MSRB2: variants seen among roughly 807,000 people sequenced by gnomAD.
MSRB2 encodes methionine-R-sulfoxide reductase B2, mitochondrial.
MSRB2 carries 17 observed loss-of-function variants against 19.0 expected under a neutral mutation model. The ratio of observed to expected loss-of-function variants is 0.89; its 90% CI spans 0.61 to 1.34. MSRB2 has a LOEUF of 1.34. Among genes scored for constraint, MSRB2 ranks in the 40% most tolerant of loss-of-function variants. The pLI is 0.00. For synonymous variants in MSRB2, 107 were observed against 99.7 expected (o/e 1.07, Z -0.44); for missense variants, 208 against 237.6 (o/e 0.88, Z 0.82).
At chr10:23,119,788 T>A (rs1346100500) in intron 4 of MSRB2, among the ~76,000 whole-genome samples, 1 of 151,880 alleles carries the variant, frequency 6.6e-6, no homozygotes, top group Non-Finnish European at 1.5e-5. Context: ...AGAGATGAGG[T>A]TTCGCCATGT....
intron 1 of MSRB2, among the ~76,000 whole-genome samples, chr10:23,099,419 A>G (rs1362612097): frequency 6.6e-6 from 1 of 152,244 alleles, no homozygotes; most frequent in Non-Finnish European, 1.5e-5. Flanking sequence ...GTTTTCGCAC[A>G]CATTAAAAAT....
Position 23,119,338 on chromosome 10 carries a change from C to A in MSRB2, c.331C>A (p.Pro111Thr). 1 of 1,614,124 alleles carries A rather than the reference C, an allele frequency of 6.2e-7. No homozygotes were observed. The highest frequency in any genetic ancestry group is 8.5e-7 in the Non-Finnish European group (1 of 1,180,022). The change falls in exon 4 of 5, where the codon CCT becomes ACT. Residue 111 changes from proline to threonine, a missense_variant. Physicochemically the swap from Pro to Thr is conservative, Grantham distance 38 (BLOSUM62 -1). Transcript: ENST00000376510. ...AAAGTACTGCTCTGGCACTGGGTGG[C>A]CTTCGTTTTCCGAGGCTCATGGTAC... Reference protein sequence around the residue: ...EKKYCSGTGWPSFSEAHGTSG... With the variant: ...EKKYCSGTGWTSFSEAHGTSG...
chr10:23,114,606 C>T (rs1290030020), intron 3 of MSRB2, among the ~76,000 whole-genome samples: 1 of 152,204 alleles, frequency 6.6e-6, no homozygotes, highest in East Asian at 1.9e-4. Context: ...CTGCACTCTT[C>T]TTGAGAGTGG....
chr10:23,116,162 A>G (rs927992299), intron 3 of MSRB2, among the ~76,000 whole-genome samples: 1 of 152,266 alleles, frequency 6.6e-6, no homozygotes, highest in African/African-American at 2.4e-5. Context: ...TACTATGCTA[A>G]GCACACACAC....
intron 1 of MSRB2, among the ~76,000 whole-genome samples, chr10:23,096,881 G>A (rs1333006179): frequency 6.6e-6 from 1 of 152,150 alleles, no homozygotes; most frequent in Non-Finnish European, 1.5e-5. Flanking sequence ...CTTGAAAAAG[G>A]ATGGTGGTTT....
In MSRB2 at chr10:23,104,124, A is replaced by T. The variant is rs1839958326; in HGVS notation, c.119-20A>T. On this transcript the variant is annotated intron_variant, in intron 1 of 4. Coordinates refer to ENST00000376510, the MANE Select transcript of MSRB2 (RefSeq NM_012228.4). ...AGGCATTTTTGTTTTAATTTTTAAA[A>T]TTCCTGTTTAACAATACAGGGTCTC... 6.3e-7 allele frequency: 1 copy of T among 1,587,242 alleles called. No homozygotes were observed. Among genetic ancestry groups the T allele is most frequent in the African/African-American group, 1.4e-5 (1 of 73,260 alleles).
chr10:23,099,053 C>T (rs947617818), intron 1 of MSRB2, among the ~76,000 whole-genome samples: 2 of 152,170 alleles, frequency 1.3e-5, no homozygotes, highest in South Asian at 2.1e-4. Flanking sequence ...TGGACCAGGG[C>T]CCCCTCTTAA....
At chr10:23,103,686 G>A (rs1389826396) in intron 1 of MSRB2, among the ~76,000 whole-genome samples, 3 of 152,162 alleles carry the variant, frequency 2.0e-5, no homozygotes, top group Admixed American at 6.5e-5. Flanking sequence ...AAGAAAATCA[G>A]AGATATCCTT....
intron 2 of MSRB2, among the ~76,000 whole-genome samples, chr10:23,109,451 G>A (rs1241982022): frequency 6.6e-6 from 1 of 151,174 alleles, no homozygotes; most frequent in Non-Finnish European, 1.5e-5. Flanking sequence ...GCTGAGACAG[G>A]AGAATCACTT....
chr10:23,121,942 T>A lies in MSRB2; in HGVS notation c.*1080T>A, dbSNP rs1033106446. On this transcript the variant is annotated 3_prime_UTR_variant, in exon 5 of 5. Coordinates refer to ENST00000376510, the MANE Select transcript of MSRB2 (RefSeq NM_012228.4). ...TTAGATTTCAATGATTATGAATAAA[T>A]GTTCACCTTCATACCTTCTGGTTAC... 2 of 152,230 alleles carry A rather than the reference T, an allele frequency of 1.3e-5. No individual in the cohort carries two copies. The highest frequency in any genetic ancestry group is 4.8e-5 in the African/African-American group (2 of 41,450). The allele number at this position is 152,230 out of a possible 1,614,324, so 9.4% of individuals were successfully genotyped here.
intron 1 of MSRB2, among the ~76,000 whole-genome samples, chr10:23,100,028 C>T (rs528441007): frequency 6.6e-6 from 1 of 152,306 alleles, no homozygotes; most frequent in Admixed American, 6.5e-5. Context: ...AAGCCCATTC[C>T]ACTTCCTGCC....
chr10:23,112,911 C>G lies in MSRB2; in HGVS notation c.296+2593C>G, dbSNP rs138922797. 2.4e-3 allele frequency among the ~76,000 whole-genome samples: 366 copies of G among 152,272 alleles called. 1 individual carries two copies. The highest frequency in any genetic ancestry group is 8.0e-3 in the African/African-American group (334 of 41,546). ...AATGATGTGTTCTTAAGCAATAGAT[C>G]CCTCTTAGGGCTGTATACATGAATG... On this transcript the variant is annotated intron_variant, in intron 3 of 4. Coordinates refer to ENST00000376510, the MANE Select transcript of MSRB2 (RefSeq NM_012228.4).
intron 3 of MSRB2, among the ~76,000 whole-genome samples, chr10:23,110,576 T>C (rs570694772): frequency 6.6e-6 from 1 of 152,064 alleles, no homozygotes; most frequent in Admixed American, 6.6e-5. Context: ...CCTCAAGAAA[T>C]AGCAAGGAAA....
intron 1 of MSRB2, among the ~76,000 whole-genome samples, chr10:23,102,629 T>C (rs1399330105): frequency 6.6e-6 from 1 of 152,212 alleles, no homozygotes; most frequent in Admixed American, 6.5e-5. Context: ...GATGCTAACT[T>C]AGCCTACTTG....
chr10:23,101,207 T>C (rs1455647761), intron 1 of MSRB2, among the ~76,000 whole-genome samples: 1 of 152,352 alleles, frequency 6.6e-6, no homozygotes, highest in East Asian at 1.9e-4. Context: ...ATCATTCTTA[T>C]GCCTTTGCAT....
At chr10:23,118,337 G>GTTTTTTT (rs35011086) in intron 3 of MSRB2, among the ~76,000 whole-genome samples, 251 of 92,102 alleles carry the variant, frequency 2.7e-3, no homozygotes, top group Middle Eastern at 7.6e-3. Context: ...TTAGTTTTTT[G>GTTTTTTT]TTTTTTTTTT....
chr10:23,100,395 GC>G (rs1183695926), intron 1 of MSRB2, among the ~76,000 whole-genome samples: 1 of 152,010 alleles, frequency 6.6e-6, no homozygotes, highest in East Asian at 1.9e-4. Context: ...AACAGAAGTG[GC>G]AAAAAAACAG....
intron 3 of MSRB2, among the ~76,000 whole-genome samples, chr10:23,117,301 T>G (rs1309377852): frequency 1.3e-5 from 2 of 152,132 alleles, no homozygotes; most frequent in Non-Finnish European, 2.9e-5. Flanking sequence ...GGGGGGGACC[T>G]TTCTAGGGGC....
intron 1 of MSRB2, among the ~76,000 whole-genome samples, chr10:23,096,210 C>T (rs970570229): frequency 1.3e-5 from 2 of 152,172 alleles, no homozygotes; most frequent in African/African-American, 2.4e-5. Context: ...TGAGTGTTTC[C>T]TGCCCTGCTG....
Sources: gnomAD v4.1 joint callset for allele counts (sites outside exome capture counted in the v4.1 genomes callset) on GRCh38, gnomAD v4.1.1 for gene constraint, MANE v1.5 for transcripts, NCBI Gene and HGNC (gene_info 2026-07-23, HGNC 2026-07-21) for gene names.